ELF1: variants seen among roughly 807,000 people sequenced by gnomAD.
ELF1 encodes E74 like ETS transcription factor 1.
In ELF1, 24 loss-of-function variants were observed where a neutral mutation model predicts 59.9. That is an observed-to-expected ratio of 0.40 (90% CI 0.29 to 0.56). The LOEUF (loss-of-function observed/expected upper bound fraction) is 0.56. ELF1 is among the 20% of genes least tolerant of loss of function. The pLI is 0.44. For synonymous variants in ELF1, 248 were observed against 266.2 expected, an observed-to-expected ratio of 0.93 and a Z score of 0.67; for missense variants, 627 against 742.2, an observed-to-expected ratio of 0.84 and a Z score of 1.80.
chr13:40,994,161 G>T (rs546816203), intron 1 of ELF1, among the ~76,000 whole-genome samples: 2 of 152,178 alleles, frequency 1.3e-5, no homozygotes, highest in East Asian at 3.9e-4. Flanking sequence ...CTTTCACATA[G>T]TTCTTCACTT....
intron 1 of ELF1, among the ~76,000 whole-genome samples, chr13:41,006,675 C>G (rs1874778565): frequency 6.6e-6 from 1 of 152,102 alleles, no homozygotes; most frequent in African/African-American, 2.4e-5. Context: ...GGATCAGGCA[C>G]GATGTCTAGT....
intron 8 of ELF1, among the ~76,000 whole-genome samples, chr13:40,940,227 A>G (rs1870041997): frequency 6.6e-6 from 1 of 152,054 alleles, no homozygotes; most frequent in African/African-American, 2.4e-5. Flanking sequence ...AATGCTACAA[A>G]TATCCATATA....
chr13:41,057,665 C>T (rs1877338323), intron 1 of ELF1, among the ~76,000 whole-genome samples: 2 of 152,298 alleles, frequency 1.3e-5, no homozygotes, highest in East Asian at 3.9e-4. Context: ...AGCCACCACA[C>T]CCTGCCTCTT....
At chr13:41,050,280 G>A (rs1303793069) in intron 1 of ELF1, among the ~76,000 whole-genome samples, 1 of 151,976 alleles carries the variant, frequency 6.6e-6, no homozygotes, top group East Asian at 1.9e-4. Context: ...CTTTGTGACT[G>A]GCTTATTTCA....
At chr13:41,038,109 A>T (rs1876460327) in intron 1 of ELF1, among the ~76,000 whole-genome samples, 1 of 152,000 alleles carries the variant, frequency 6.6e-6, no homozygotes, top group South Asian at 2.1e-4. Flanking sequence ...AATATGCCAC[A>T]AATTACCTCA....
At chr13:40,992,121 CGTTT>C (rs1001070830) in intron 1 of ELF1, among the ~76,000 whole-genome samples, 76 of 152,122 alleles carry the variant, frequency 5.0e-4, no homozygotes, top group African/African-American at 1.7e-3. Flanking sequence ...ATTCTTTCCA[CGTTT>C]ATTTAATGCT....
chr13:41,020,926 T>C (rs979890561), upstream of ELF1, among the ~76,000 whole-genome samples: 2 of 152,060 alleles, frequency 1.3e-5, no homozygotes, highest in African/African-American at 4.8e-5. Flanking sequence ...AACAGTATTA[T>C]AAAAGGATGT....
chr13:41,000,069 C>A (rs1182721736), intron 1 of ELF1, among the ~76,000 whole-genome samples: 1 of 151,962 alleles, frequency 6.6e-6, no homozygotes, highest in Non-Finnish European at 1.5e-5. Flanking sequence ...ACTTAGTTAT[C>A]CAATGAAGAA....
chr13:41,048,128 G>A (rs1207510628), intron 1 of ELF1, among the ~76,000 whole-genome samples: 1 of 152,214 alleles, frequency 6.6e-6, no homozygotes, highest in East Asian at 1.9e-4. Context: ...CGTTGGAAAA[G>A]CACAGTATTA....
chr13:40,998,676 T>C (rs1450917238), intron 1 of ELF1, among the ~76,000 whole-genome samples: 2 of 152,238 alleles, frequency 1.3e-5, no homozygotes, highest in Non-Finnish European at 2.9e-5. Context: ...ATTAAAGATT[T>C]AGACTTTCAT....
intron 1 of ELF1, among the ~76,000 whole-genome samples, chr13:41,052,954 C>G (rs951362323): frequency 6.6e-6 from 1 of 152,138 alleles, no homozygotes; most frequent in Admixed American, 6.5e-5. Context: ...AAAAGTTACC[C>G]ACAACTCCAT....
chr13:40,956,478 G>C (rs766160819), intron 3 of ELF1, among the ~76,000 whole-genome samples: 1 of 144,970 alleles, frequency 6.9e-6, no homozygotes, highest in Non-Finnish European at 1.5e-5. Flanking sequence ...AAAGACCTTT[G>C]TTCACTTATC....
intron 1 of ELF1, among the ~76,000 whole-genome samples, chr13:41,032,931 T>C (rs1208032609): frequency 1.3e-5 from 2 of 152,166 alleles, no homozygotes; most frequent in African/African-American, 4.8e-5. Flanking sequence ...CAATGTTAAA[T>C]GTTAAGTCAT....
chr13:40,978,377 C>CA (rs68036241), intron 2 of ELF1, among the ~76,000 whole-genome samples: 19,649 of 128,558 alleles, frequency 0.15, 1,454 homozygotes, highest in East Asian at 0.28. Context: ...GACTCAGTCT[C>CA]AAAAAAAAAA....
chr13:41,039,946 T>C (rs1244655521), intron 1 of ELF1, among the ~76,000 whole-genome samples: 1 of 152,222 alleles, frequency 6.6e-6, no homozygotes, highest in East Asian at 1.9e-4. Context: ...AAGATGTTCA[T>C]TCTCATAACC....
At chr13:41,000,717 C>T (rs1874384269) in intron 1 of ELF1, among the ~76,000 whole-genome samples, 3 of 151,940 alleles carry the variant, frequency 2.0e-5, no homozygotes, top group Non-Finnish European at 2.9e-5. Flanking sequence ...ACTAGCAATA[C>T]CTAATGTCTA....
Position 40,933,704 on chromosome 13 carries a change from G to C in ELF1, c.1581C>G (p.Ser527=), listed in dbSNP as rs750063240. The C allele has an allele frequency of 9.3e-6, 15 of 1,614,260 alleles. No homozygotes were observed. Among genetic ancestry groups the C allele is most frequent in the Middle Eastern group, 1.6e-4 (1 of 6,062 alleles). Residue 527 remains serine, a synonymous_variant, in exon 9 of 9, where the codon TCC becomes TCG. Transcript: ENST00000239882. Reference sequence around the variant, plus strand: ...TCACCACAGGTGCAGTAGCACTGAAGGATGGAGAGGAAGCCACACTGACGG... The same window carrying C: ...TCACCACAGGTGCAGTAGCACTGAACGATGGAGAGGAAGCCACACTGACGG... ...NGTVSVASSP[S]FSATAPVVTF... is the part of the protein sequence containing the mutation.
rs530193606 is a variant in ELF1, at chr13:40,955,610, G to A, written c.253+3226C>T. Among the ~76,000 whole-genome samples, 90 of 55,906 alleles carry A rather than the reference G, an allele frequency of 1.6e-3. 1 individual carries two copies. The highest frequency in any genetic ancestry group is 2.9e-3 in the Non-Finnish European group (74 of 25,390). The allele number at this position is 55,906 out of a possible 152,430, so 36.7% of individuals were successfully genotyped here. A position where few individuals can be genotyped will look rare whatever the true frequency, so the allele number is the denominator to read the frequency against. On this transcript the variant is annotated intron_variant, in intron 3 of 8. Coordinates refer to ENST00000239882, the MANE Select transcript of ELF1 (RefSeq NM_172373.4). ...CGGGAGGTGAGGGGCACCTCTGCCT[G>A]GCCGCCCCTACTGGGAAGAGAGGAG...
At chr13:40,962,652 C>A (rs1412627389) in intron 2 of ELF1, among the ~76,000 whole-genome samples, 17 of 148,970 alleles carry the variant, frequency 1.1e-4, no homozygotes. Flanking sequence ...CACCACTGCA[C>A]TCTGGCCTGA....
Sources: allele counts gnomAD v4.1 joint callset (sites outside exome capture counted in the v4.1 genomes callset), GRCh38; gene constraint gnomAD v4.1.1; transcripts MANE v1.5; gene names NCBI Gene and HGNC (gene_info 2026-07-23, HGNC 2026-07-21).